The following TTN variants were observed in gnomAD, a reference collection of about 807,000 sequenced individuals.
The protein encoded by TTN is connectin.
Under a neutral mutation model 3,223.0 loss-of-function variants are expected in TTN, and 1,525 were observed. The ratio of observed to expected loss-of-function variants is 0.47; its 90% CI spans 0.45 to 0.49. TTN has a LOEUF of 0.49. Ranked by LOEUF, TTN falls within the 20% of genes least tolerant of loss-of-function variation. The pLI is 0.00. For synonymous variants in TTN, 14,094 were observed against 15,161.0 expected, an observed-to-expected ratio of 0.93 and a Z score of 5.17; for missense variants, 40,786 against 43,424.0, an observed-to-expected ratio of 0.94 and a Z score of 5.40.
rs1341013204 is a variant in TTN at position 178,554,025 on chromosome 2, T to G, written c.89086A>C (p.Thr29696Pro). ...TAGTCACTGTTTTCTGTGAGTCCTGTTACTTTTTGTCTGGTGTCACGGATA... is the reference window on the plus strand; with the variant it reads ...TAGTCACTGTTTTCTGTGAGTCCTGGTACTTTTTGTCTGGTGTCACGGATA... Reference protein sequence around the residue: ...ETIRDTRQKVTGLTENSDYQY... With the variant: ...ETIRDTRQKVPGLTENSDYQY... The change falls in exon 333 of 363, where the codon ACA becomes CCA. Residue 29696 changes from threonine (T) to proline (P), a missense_variant. Physicochemically the swap from Thr to Pro is conservative, Grantham distance 38 (BLOSUM62 -1). Transcript: ENST00000589042. 6.2e-7 allele frequency: 1 copy of G among 1,613,786 alleles called. No homozygotes were observed.
At chr2:178,673,966 T>C (rs2067507834) in intron 151 of TTN, among the ~76,000 whole-genome samples, 1 of 151,676 alleles carries the variant, frequency 6.6e-6, no homozygotes, top group African/African-American at 2.4e-5. Context: ...AGATTTTTCT[T>C]AAAAAATGAA....
At chr2:178,673,215 G>T (rs1013828141) in intron 152 of TTN, among the ~76,000 whole-genome samples, 7 of 151,760 alleles carry the variant, frequency 4.6e-5, no homozygotes, top group African/African-American at 1.7e-4. Flanking sequence ...TTACAAAAGG[G>T]ACGTGAGGCT....
chr2:178,540,337 G>A lies in TTN; in HGVS notation c.97829C>T (p.Thr32610Ile). ...PPGKPQNPRV[T>I]DTTRTSVSLA... is the part of the protein sequence containing the mutation. Reference sequence around the variant, plus strand: ...GGAGACTGATGTCCTTGTTGTATCAGTAACTCTTGGGTTTTGTGGCTTTCC... The same window carrying A: ...GGAGACTGATGTCCTTGTTGTATCAATAACTCTTGGGTTTTGTGGCTTTCC... Residue 32610 changes from threonine (T) to isoleucine (I), a missense_variant, in exon 351 of 363, where the codon ACT becomes ATT. Transcript: ENST00000589042. 6.2e-7 allele frequency: 1 copy of A among 1,613,524 alleles called. No homozygotes were observed. The highest frequency in any genetic ancestry group is 8.5e-7 in the Non-Finnish European group (1 of 1,179,580).
rs778893070 is a variant in TTN, at chr2:178,599,302, T to A, written c.56491A>T (p.Thr18831Ser). ...GGTTCACTGGAGACATGGACCCATG[T>A]CTTCCTGTTAGCTTCTCTTTTCTCA... ...VIEKREANRK[T>S]WVHVSSEPKE... is the part of the protein sequence containing the mutation. The change falls in exon 290 of 363, where the codon ACA becomes TCA. Residue 18831 changes from threonine to serine, a missense_variant. Transcript: ENST00000589042. 6.2e-7 allele frequency: 1 copy of A among 1,609,186 alleles called. No individual in the cohort carries two copies. Among genetic ancestry groups the A allele is most frequent in the Non-Finnish European group, 8.5e-7 (1 of 1,178,138 alleles).
In TTN at chr2:178,775,415, A is replaced by G. The variant is rs761352132; in HGVS notation, c.6449T>C (p.Met2150Thr). 1.9e-5 allele frequency: 31 copies of G among 1,613,960 alleles called. No individual in the cohort carries two copies. Among genetic ancestry groups the G allele is most frequent in the African/African-American group, 4.0e-5 (3 of 74,914 alleles). ...DVTAEDSASI[M>T]VKAINIAGET... ...TCCAGCTATGTTGATGGCTTTTACC[A>G]TGATGCTGGCAGAGTCCTCAGCAGT... Residue 2150 changes from methionine to threonine, a missense_variant, in exon 28 of 363, where the codon ATG becomes ACG. By Grantham distance (81) the Met-to-Thr change is moderately conservative. Transcript: ENST00000589042.
intron 162 of TTN, 39 bp downstream of exon 162, chr2:178,667,197 T>A: frequency 6.7e-7 from 1 of 1,498,280 alleles, no homozygotes; most frequent in Non-Finnish European, 9.1e-7. Flanking sequence ...GAAGACAGTA[T>A]ATTTTCTTCT....
rs1044422928 is a variant in TTN, at chr2:178,753,187, T to C, written c.11255-7A>G. The C allele has an allele frequency of 2.5e-6, 4 of 1,601,712 alleles. No homozygotes were observed. In the African/African-American group the frequency reaches 4.0e-5, roughly 16 times the overall value. On this transcript the variant is annotated splice_polypyrimidine_tract_variant and splice_region_variant and intron_variant, in intron 46 of 362. Transcript: ENST00000589042. The stretch of plus-strand genomic sequence containing the variant: ...TGCAAAATTGATTCAGGAGCTAAAA[T>C]AGAAAAACATATAAAGAGATTTTAG...
rs773366531 is a variant in TTN, at chr2:178,770,524, A to C, written c.8268T>G (p.Ser2756=). The change falls in exon 35 of 363, where the codon TCT becomes TCG. Residue 2756 remains serine (S), a synonymous_variant. Transcript: ENST00000589042. ...TCAGAGAGTAAATTGTTCCTTTGAC[A>C]GAGATAGCATACTTTTCATTGGATT... The part of the protein sequence containing the change: ...VLESNEKYAI[S]VKGTIYSLRI... The C allele has an allele frequency of 6.2e-7, 1 of 1,614,144 alleles. No individual in the cohort carries two copies. Among genetic ancestry groups the C allele is most frequent in the Admixed American group, 1.7e-5 (1 of 60,006 alleles).
chr2:178,569,784 C>T lies in TTN; in HGVS notation c.76348G>A (p.Gly25450Ser), dbSNP rs770136413. ...GGTGGAGTGCACATTGTCCATTCACCAACACTCACATCACATTTTTCAACA... is the reference window on the plus strand; with the variant it reads ...GGTGGAGTGCACATTGTCCATTCACTAACACTCACATCACATTTTTCAACA... ...YIVEKCDVSV[G>S]EWTMCTPPTG... Residue 25450 changes from glycine (G) to serine (S), a missense_variant, in exon 326 of 363, where the codon GGT (glycine) becomes AGT (serine). Gly to Ser is a moderately conservative substitution (Grantham distance 56). Coordinates refer to ENST00000589042, the MANE Select transcript of TTN (RefSeq NM_001267550.2). 19 of 1,613,088 alleles carry T rather than the reference C, an allele frequency of 1.2e-5. No individual in the cohort carries two copies. The South Asian group carries it at 1.5e-4, about 13-fold the overall frequency.
Position 178,784,244 on chromosome 2 carries a change from A to T in TTN, c.2601T>A (p.Ser867Arg), listed in dbSNP as rs751040739. 5.0e-6 allele frequency: 8 copies of T among 1,614,016 alleles called. No homozygotes were observed. Among genetic ancestry groups the T allele is most frequent in the Non-Finnish European group, 5.9e-6 (7 of 1,180,014 alleles). The change falls in exon 16 of 363, where the codon AGT (serine) becomes AGA (arginine). Residue 867 changes from serine (S) to arginine (R), a missense_variant. Ser to Arg is a moderately radical substitution (Grantham distance 110, BLOSUM62 -1). Coordinates refer to ENST00000589042, the MANE Select transcript of TTN (RefSeq NM_001267550.2). ...TGGGCTCTGCCCTTACTCTAGTCTC[A>T]CTGGGCTTCACAGTAGGAGCCTTCA... ...KSVKAPTVKP[S>R]ETRVRAEPTP...
chr2:178,780,491 C>A (rs572061164), intron 21 of TTN, among the ~76,000 whole-genome samples: 1 of 152,306 alleles, frequency 6.6e-6, no homozygotes, highest in South Asian at 2.1e-4. Context: ...TGTCTTTTAA[C>A]AATTCATTTA....
At position 178,696,256 on chromosome 2, in the gene TTN, A is replaced by G. The variant is rs1359307481; in HGVS notation, c.30816T>C (p.Ile10272=). Residue 10272 remains isoleucine (I), a synonymous_variant, in exon 114 of 363, where the codon ATT becomes ATC. Coordinates refer to ENST00000589042, the MANE Select transcript of TTN (RefSeq NM_001267550.2). ...TLIPAKAPEI[I]DVSSKAEEVK... The stretch of plus-strand genomic sequence containing the variant: ...CTTCTTCAGCTTTAGAGGATACATC[A>G]ATGATTTCAGGAGCTAAAATAGATA... 6.5e-7 allele frequency: 1 copy of G among 1,543,488 alleles called. No homozygotes were observed. The highest frequency in any genetic ancestry group is 8.7e-7 in the Non-Finnish European group (1 of 1,148,108).
chr2:178,799,710 C>T lies in TTN; in HGVS notation c.691G>A (p.Ala231Thr), dbSNP rs752452129. 80 of 1,614,106 alleles carry T rather than the reference C, an allele frequency of 5.0e-5. 3 individuals are homozygous for T. The South Asian group carries it at 7.8e-4, about 16-fold the overall frequency. ...IEKKIEAHFDARSIATVEMVI... is the reference protein window; with the variant it reads ...IEKKIEAHFDTRSIATVEMVI... ...ATCTCAACTGTTGCAATTGATCTGG[C>T]ATCAAAGTGGGCTTCAATCTTCTGT... Residue 231 changes from alanine to threonine, a missense_variant, in exon 6 of 363, where the codon GCC becomes ACC. Physicochemically the swap from Ala to Thr is moderately conservative, Grantham distance 58. Transcript: ENST00000589042.
rs2087055634 is a variant in TTN at position 178,756,599 on chromosome 2, G to A, written c.10877C>T (p.Ser3626Phe). 1 of 1,613,298 alleles carries A rather than the reference G, an allele frequency of 6.2e-7. No individual in the cohort carries two copies. Among genetic ancestry groups the A allele is most frequent in the African/African-American group, 1.3e-5 (1 of 75,020 alleles). ...VSQSSIHTAASVQDTQLCHTA... is the reference protein window; with the variant it reads ...VSQSSIHTAAFVQDTQLCHTA... ...ATGGCACAACTGTGTATCTTGAACAGATGCAGCTGTGTGGATGGAACTTTG... is the reference window on the plus strand; with the variant it reads ...ATGGCACAACTGTGTATCTTGAACAAATGCAGCTGTGTGGATGGAACTTTG... The change falls in exon 46 of 363, where the codon TCT becomes TTT. Residue 3626 changes from serine to phenylalanine, a missense_variant. Ser to Phe is a radical substitution (Grantham distance 155). Transcript: ENST00000589042.
chr2:178,580,893 G>A, intron 316 of TTN: 1 of 310,764 alleles, frequency 3.2e-6, no homozygotes, highest in African/African-American at 2.2e-5. Context: ...ATATTAAAAG[G>A]AAAGTAGACG....
At chr2:178,555,325 A>G in intron 330 of TTN, 173 bp from the exon 331 acceptor site, 1 of 622,232 alleles carries the variant, frequency 1.6e-6, no homozygotes, top group South Asian at 2.4e-5. Flanking sequence ...CCACTCTTCT[A>G]TCTCAGATGG....
rs1057523877 is a variant in TTN, at chr2:178,598,956, C to A, written c.56754G>T (p.Gly18918=). 3.7e-6 allele frequency: 6 copies of A among 1,612,600 alleles called. No individual in the cohort carries two copies. In the East Asian group the frequency reaches 1.1e-4, roughly 30 times the overall value. ...TGGTGTCTTTCATTTCCAGCCAGTA[C>A]CCTGTCACAGGAGAGCCTCCATCAT... ...PEYDGGSPVT[G]YWLEMKDTTS... is the part of the protein sequence containing the mutation. The change falls in exon 291 of 363, where the codon GGG becomes GGT. Residue 18918 remains glycine, a synonymous_variant. Coordinates refer to ENST00000589042, the MANE Select transcript of TTN (RefSeq NM_001267550.2).
intron 33 of TTN, among the ~76,000 whole-genome samples, chr2:178,772,278 A>AGTAAGATT (rs2091626785): frequency 6.6e-6 from 1 of 152,192 alleles, no homozygotes; most frequent in Non-Finnish European, 1.5e-5. Context: ...AAATCTTATA[A>AGTAAGATT]CGTAAGTAAG....
rs2060219895 is a variant in TTN at position 178,634,780 on chromosome 2, C to T, written c.42094G>A (p.Gly14032Ser). 6.2e-7 allele frequency: 1 copy of T among 1,613,032 alleles called. No homozygotes were observed. The highest frequency in any genetic ancestry group is 1.3e-5 in the African/African-American group (1 of 74,848). Residue 14032 changes from glycine to serine, a missense_variant, in exon 229 of 363, where the codon GGT becomes AGT. By Grantham distance (56) the Gly-to-Ser change is moderately conservative. Transcript: ENST00000589042. The surrounding 1 kb of genome is among the most constrained non-coding windows in gnomAD (Gnocchi z 4.6). ...TLHKVKLDQA[G>S]EVLYQALNAI... ...TTAAGGGCCTGGTAGAGGACTTCAC[C>T]AGCTTGGTCCAGTTTGACTTTGTGC...
Sources: allele counts gnomAD v4.1 joint callset (sites outside exome capture counted in the v4.1 genomes callset), GRCh38; gene constraint gnomAD v4.1.1; non-coding constraint Gnocchi (gnomAD v3.1); transcripts MANE v1.5; gene names NCBI Gene and HGNC (gene_info 2026-07-23, HGNC 2026-07-21).